CDH13: variants seen among roughly 807,000 people sequenced by gnomAD.
CDH13 encodes the protein cadherin-13.
CDH13 carries 24 observed loss-of-function variants against 63.8 expected under a neutral mutation model. That is an observed-to-expected ratio of 0.38 (90% CI 0.27 to 0.53). The LOEUF is 0.53. Among genes scored for constraint, CDH13 ranks in the 20% least tolerant of loss-of-function variants. CDH13 has a pLI of 0.85. For missense variants in CDH13, 1,049 were observed against 903.1 expected, an observed-to-expected ratio of 1.16 and a Z score of -2.07; for synonymous variants, 503 against 355.3, an observed-to-expected ratio of 1.42 and a Z score of -4.67.
At chr16:83,372,196 T>C (rs374067393) in intron 6 of CDH13, among the ~76,000 whole-genome samples, 2 of 152,196 alleles carry the variant, frequency 1.3e-5, no homozygotes, top group African/African-American at 4.8e-5. Flanking sequence ...ATCCCCACTT[T>C]ATAGGTGAGA....
At chr16:83,487,131 T>C (rs2073907867) in intron 7 of CDH13, among the ~76,000 whole-genome samples, 1 of 152,156 alleles carries the variant, frequency 6.6e-6, no homozygotes, top group Non-Finnish European at 1.5e-5. Context: ...CCTCTCTTCC[T>C]CCATCTCTGT....
intron 10 of CDH13, among the ~76,000 whole-genome samples, chr16:83,739,356 G>A (rs534803289): frequency 6.6e-6 from 1 of 152,178 alleles, no homozygotes. Flanking sequence ...AAGCACGTCC[G>A]GTGTGACCCC....
At chr16:83,785,780 C>T (rs994357090) in intron 13 of CDH13, among the ~76,000 whole-genome samples, 1 of 152,150 alleles carries the variant, frequency 6.6e-6, no homozygotes, top group South Asian at 2.1e-4. Flanking sequence ...GAGCCCTACC[C>T]TATGGCTGGA....
At chr16:83,234,661 C>T (rs1055537363) in intron 5 of CDH13, among the ~76,000 whole-genome samples, 1 of 152,208 alleles carries the variant, frequency 6.6e-6, no homozygotes, top group African/African-American at 2.4e-5. Context: ...GGGCATTGTT[C>T]TAGGCACAAG....
intron 3 of CDH13, among the ~76,000 whole-genome samples, chr16:83,049,750 C>G (rs555057401): frequency 6.6e-6 from 1 of 152,278 alleles, no homozygotes; most frequent in Non-Finnish European, 1.5e-5. Flanking sequence ...TTTACCCATT[C>G]ATCTGTTGAT....
intron 2 of CDH13, among the ~76,000 whole-genome samples, chr16:82,955,893 G>C (rs183411376): frequency 3.9e-5 from 6 of 152,288 alleles, no homozygotes; most frequent in Admixed American, 3.3e-4. Flanking sequence ...AATGCCTTAG[G>C]TGTTTCCTCT....
chr16:82,645,900 A>C (rs1476018786), intron 1 of CDH13, among the ~76,000 whole-genome samples: 1 of 152,268 alleles, frequency 6.6e-6, no homozygotes, highest in South Asian at 2.1e-4. Flanking sequence ...AGAAATGTGA[A>C]GACGAGATTG....
At chr16:82,877,399 T>C (rs2040541672) in intron 2 of CDH13, among the ~76,000 whole-genome samples, 1 of 152,232 alleles carries the variant, frequency 6.6e-6, no homozygotes, top group African/African-American at 2.4e-5. Flanking sequence ...CAAAGGTTTC[T>C]GTGAACAATT....
rs1218186021 is a variant in CDH13, at chr16:82,644,527, G to T, written c.45+17390G>T. 6.6e-6 allele frequency among the ~76,000 whole-genome samples: 1 copy of T among 152,190 alleles called. No individual in the cohort carries two copies. The highest frequency in any genetic ancestry group is 2.4e-5 in the African/African-American group (1 of 41,438). ...AGTGAAACAAGGAAAGCAGCCTAGA[G>T]CTGGTCCCCAGACCAGGCCCAGTGC... On this transcript the variant is annotated intron_variant, in intron 1 of 13. Coordinates refer to ENST00000567109, the MANE Select transcript of CDH13 (RefSeq NM_001257.5). The surrounding 1 kb of genome is among the most constrained non-coding windows in gnomAD (Gnocchi z 5.7).
At chr16:83,367,635 C>G (rs993927725) in intron 6 of CDH13, among the ~76,000 whole-genome samples, 1 of 152,204 alleles carries the variant, frequency 6.6e-6, no homozygotes, top group Non-Finnish European at 1.5e-5. Context: ...GTTCTAATTT[C>G]TCCACTTTTT....
Position 82,931,551 on chromosome 16 carries a change from G to C in CDH13, c.157+73078G>C, listed in dbSNP as rs146765458. 2.8e-3 allele frequency among the ~76,000 whole-genome samples: 425 copies of C among 151,240 alleles called. 5 individuals carry two copies. Among genetic ancestry groups the C allele is most frequent in the Non-Finnish European group, 3.4e-3 (229 of 67,906 alleles). Reference sequence around the variant, plus strand: ...TTGATGTTTGTTAGGAATTAAGATGGCCTTAGGTATTAGTCTGTTTTCATG... The same window carrying C: ...TTGATGTTTGTTAGGAATTAAGATGCCCTTAGGTATTAGTCTGTTTTCATG... On this transcript the variant is annotated intron_variant, in intron 2 of 13. Transcript: ENST00000567109.
At chr16:83,231,721 C>A (rs897003250) in intron 5 of CDH13, among the ~76,000 whole-genome samples, 5 of 152,170 alleles carry the variant, frequency 3.3e-5, no homozygotes, top group African/African-American at 1.2e-4. Context: ...ACTTACTCTG[C>A]CCCTCTACAG....
intron 2 of CDH13, among the ~76,000 whole-genome samples, chr16:82,877,914 C>T (rs563187102): frequency 7.7e-6 from 1 of 129,218 alleles, no homozygotes; most frequent in African/African-American, 2.9e-5. Flanking sequence ...GAAATACATA[C>T]ATACACATAG....
At chr16:83,185,854 T>A (rs1399918294) in intron 4 of CDH13, among the ~76,000 whole-genome samples, 2 of 152,218 alleles carry the variant, frequency 1.3e-5, no homozygotes, top group African/African-American at 4.8e-5. Context: ...TTGAAACATT[T>A]TTTACTGATT....
intron 2 of CDH13, among the ~76,000 whole-genome samples, chr16:82,991,237 T>C (rs765534481): frequency 5.9e-5 from 9 of 152,194 alleles, no homozygotes; most frequent in Non-Finnish European, 1.2e-4. Flanking sequence ...AACTGAAAAA[T>C]TGATCACACG....
intron 1 of CDH13, among the ~76,000 whole-genome samples, chr16:82,652,159 C>A (rs1485415014): frequency 6.6e-6 from 1 of 152,216 alleles, no homozygotes; most frequent in African/African-American, 2.4e-5. Context: ...GAAAAGAGGT[C>A]ATCAGATTGT....
At chr16:83,034,873 G>A (rs1229320731) in intron 3 of CDH13, among the ~76,000 whole-genome samples, 5 of 152,070 alleles carry the variant, frequency 3.3e-5, no homozygotes, top group Admixed American at 6.6e-5. Context: ...CTGAGTCCTG[G>A]CTGTTTCTCG....
At chr16:83,436,767 C>G (rs1202027183) in intron 6 of CDH13, among the ~76,000 whole-genome samples, 1 of 152,196 alleles carries the variant, frequency 6.6e-6, no homozygotes, top group Non-Finnish European at 1.5e-5. Context: ...GCTGGGAGAC[C>G]TTGCAGAGGT....
chr16:83,563,774 G>A (rs1486607386), intron 7 of CDH13, among the ~76,000 whole-genome samples: 1 of 152,064 alleles, frequency 6.6e-6, no homozygotes, highest in African/African-American at 2.4e-5. Flanking sequence ...AAAGCCTCCT[G>A]CCCTATTTTC....
Sources: gnomAD v4.1 joint callset for allele counts (sites outside exome capture counted in the v4.1 genomes callset) on GRCh38, gnomAD v4.1.1 for gene constraint, Gnocchi (gnomAD v3.1) non-coding constraint, MANE v1.5 for transcripts, NCBI Gene and HGNC (gene_info 2026-07-23, HGNC 2026-07-21) for gene names.